ARL3: variants seen among roughly 807,000 people sequenced by gnomAD.
The protein encoded by ARL3 is ADP-ribosylation factor-like protein 3.
ARL3 carries 9 observed loss-of-function variants against 26.0 expected under a neutral mutation model. The ratio of observed to expected loss-of-function variants is 0.35; its 90% confidence interval spans 0.21 to 0.60. The LOEUF (loss-of-function observed/expected upper bound fraction) is 0.60. ARL3 is among the 20% of genes least tolerant of loss of function. The pLI is 0.78. For synonymous variants in ARL3, 71 were observed against 78.4 expected (o/e 0.91, Z 0.50); for missense variants, 158 against 215.7 (o/e 0.73, Z 1.67).
chr10:102,682,736 G>C (rs1045404267), intron 5 of ARL3, among the ~76,000 whole-genome samples: 1 of 152,204 alleles, frequency 6.6e-6, no homozygotes, highest in Non-Finnish European at 1.5e-5. Context: ...GATTAAACAT[G>C]TACGATGTAT....
At chr10:102,714,208 C>T in intron 1 of ARL3, 65 bp downstream of exon 1, 1 of 1,311,694 alleles carries the variant, frequency 7.6e-7, no homozygotes. Flanking sequence ...GTGCTCCGCC[C>T]TGGGCCTGGG....
At chr10:102,677,140 G>A (rs2064134743) in intron 5 of ARL3, among the ~76,000 whole-genome samples, 199 bp from the exon 6 acceptor site, 1 of 152,188 alleles carries the variant, frequency 6.6e-6, no homozygotes, top group Admixed American at 6.5e-5. Flanking sequence ...AGGTCTCTGA[G>A]AGCACAAGAG....
chr10:102,684,266 A>C (rs1381534415), intron 5 of ARL3, among the ~76,000 whole-genome samples: 3 of 152,012 alleles, frequency 2.0e-5, no homozygotes, highest in East Asian at 3.9e-4. Context: ...CTCCTGCCTC[A>C]GCCTCCCGTG....
At chr10:102,691,945 A>G (rs1288287114) in intron 3 of ARL3, among the ~76,000 whole-genome samples, 3 of 152,256 alleles carry the variant, frequency 2.0e-5, no homozygotes, top group Non-Finnish European at 2.9e-5. Context: ...CCTCCCTCAT[A>G]CTTGTTTAAT....
chr10:102,684,444 C>T (rs1354204307), intron 5 of ARL3, among the ~76,000 whole-genome samples: 2 of 151,852 alleles, frequency 1.3e-5, no homozygotes, highest in African/African-American at 2.4e-5. Context: ...CCACCACAGC[C>T]GGCTACTCTC....
chr10:102,676,870 C>G lies in ARL3; in HGVS notation c.*24G>C. The G allele has an allele frequency of 6.2e-7, 1 of 1,613,318 alleles. No individual in the cohort carries two copies. The highest frequency in any genetic ancestry group is 8.5e-7 in the Non-Finnish European group (1 of 1,179,444). On this transcript the variant is annotated 3_prime_UTR_variant, in exon 6 of 6. Transcript: ENST00000260746. ...AGGACCGAATTCGGCTCCCGCAGCT[C>G]CTGCATCTCCATTCGTCTAGATTTT... is the stretch of plus-strand genomic sequence containing the variant.
At chr10:102,679,265 T>A (rs1338362880) in intron 5 of ARL3, among the ~76,000 whole-genome samples, 1 of 152,180 alleles carries the variant, frequency 6.6e-6, no homozygotes, top group East Asian at 1.9e-4. Context: ...TTTGTCAAGC[T>A]GCCTCCTGGA....
At chr10:102,712,284 G>A (rs1205402182) in intron 1 of ARL3, among the ~76,000 whole-genome samples, 1 of 152,112 alleles carries the variant, frequency 6.6e-6, no homozygotes, top group Non-Finnish European at 1.5e-5. Flanking sequence ...CGCTTCAGTT[G>A]TACAGTTAAC....
At chr10:102,684,830 C>T (rs1257221148) in intron 5 of ARL3, among the ~76,000 whole-genome samples, 3 of 151,098 alleles carry the variant, frequency 2.0e-5, no homozygotes, top group Non-Finnish European at 3.0e-5. Context: ...TTAGTAGAGA[C>T]GGGGGTTTCA....
At chr10:102,696,880 T>C (rs2064251210) in intron 3 of ARL3, among the ~76,000 whole-genome samples, 1 of 152,172 alleles carries the variant, frequency 6.6e-6, no homozygotes, top group Non-Finnish European at 1.5e-5. Flanking sequence ...GCAGCTGGCT[T>C]ATATAGTCAT....
chr10:102,694,261 T>A (rs1198949550), intron 3 of ARL3, among the ~76,000 whole-genome samples: 1 of 151,256 alleles, frequency 6.6e-6, no homozygotes, highest in East Asian at 1.9e-4. Context: ...AGTGCTGGGA[T>A]TACAGGCATG....
intron 5 of ARL3, among the ~76,000 whole-genome samples, chr10:102,683,659 G>A (rs1252581032): frequency 1.3e-5 from 2 of 151,958 alleles, no homozygotes; most frequent in African/African-American, 4.8e-5. Context: ...TTATTTTGCA[G>A]TGCTCCCCTG....
At chr10:102,693,797 C>T (rs539464594) in intron 3 of ARL3, among the ~76,000 whole-genome samples, 4 of 152,098 alleles carry the variant, frequency 2.6e-5, no homozygotes, top group South Asian at 4.2e-4. Context: ...CTCAGTCTCC[C>T]GAGTAGCTGG....
chr10:102,688,974 C>T (rs2064202450), intron 4 of ARL3, among the ~76,000 whole-genome samples: 1 of 152,160 alleles, frequency 6.6e-6, no homozygotes, highest in South Asian at 2.1e-4. Context: ...GTGCTAAGTT[C>T]CACTTGTCTG....
chr10:102,706,221 G>A (rs569452300), intron 1 of ARL3, among the ~76,000 whole-genome samples: 2 of 152,248 alleles, frequency 1.3e-5, no homozygotes, highest in South Asian at 2.1e-4. Flanking sequence ...GGAGGCCAAG[G>A]TGGGCGGATC....
rs964031579 is a variant in ARL3 at position 102,676,320 on chromosome 10, A to G, written c.*574T>C. On this transcript the variant is annotated 3_prime_UTR_variant, in exon 6 of 6. Transcript: ENST00000260746. ...TTACATACGTAGTCTCCGACCTGCA[A>G]GACGATGAGATGGTTTAATTATCTG... The G allele has an allele frequency of 6.6e-6, 1 of 152,146 alleles. No individual in the cohort carries two copies. Among genetic ancestry groups the G allele is most frequent in the Non-Finnish European group, 1.5e-5 (1 of 68,136 alleles). The allele number at this position is 152,146 out of a possible 1,614,324, so 9.4% of individuals were successfully genotyped here.
intron 5 of ARL3, among the ~76,000 whole-genome samples, chr10:102,678,114 T>C (rs1347366694): frequency 6.6e-6 from 1 of 152,216 alleles, no homozygotes; most frequent in Non-Finnish European, 1.5e-5. Context: ...TGCCAGTTGC[T>C]GTCAGTGCAC....
At chr10:102,686,136 A>G in intron 4 of ARL3, 135 bp from the exon 5 acceptor site, 1 of 703,244 alleles carries the variant, frequency 1.4e-6, no homozygotes, top group Non-Finnish European at 2.2e-6. Context: ...CAATGGCGTG[A>G]TCTCGGCTCA....
chr10:102,688,785 G>A (rs1384223209), intron 4 of ARL3, among the ~76,000 whole-genome samples: 1 of 152,072 alleles, frequency 6.6e-6, no homozygotes, highest in African/African-American at 2.4e-5. Context: ...TTACAGGCGC[G>A]AGCCACCGCA....
Sources: gnomAD v4.1 joint callset for allele counts (sites outside exome capture counted in the v4.1 genomes callset) on GRCh38, gnomAD v4.1.1 for gene constraint, MANE v1.5 for transcripts, NCBI Gene and HGNC (gene_info 2026-07-23, HGNC 2026-07-21) for gene names.